MAPK4: variants seen among roughly 807,000 people sequenced by gnomAD.
The protein encoded by MAPK4 is mitogen-activated protein kinase 4, also known as Erk3-related.
Under a neutral mutation model 47.7 loss-of-function variants are expected in MAPK4, and 22 were observed. The ratio of observed to expected loss-of-function variants is 0.46; its 90% CI spans 0.33 to 0.66. MAPK4 has a LOEUF of 0.66. MAPK4 is among the 30% of genes least tolerant of loss of function. The pLI is 0.02. For synonymous variants in MAPK4, 390 were observed against 365.7 expected (o/e 1.07, Z -0.76); for missense variants, 736 against 831.7 (o/e 0.88, Z 1.42).
intron 1 of MAPK4, among the ~76,000 whole-genome samples, chr18:50,645,267 G>A (rs929027419): frequency 3.9e-4 from 60 of 152,200 alleles, no homozygotes; most frequent in African/African-American, 1.4e-3. Flanking sequence ...ATAACAGCTG[G>A]GGTTAAAGAT....
chr18:50,727,341 T>C (rs1911255474), intron 5 of MAPK4, among the ~76,000 whole-genome samples: 1 of 152,170 alleles, frequency 6.6e-6, no homozygotes, highest in African/African-American at 2.4e-5. Flanking sequence ...GTTACATAAG[T>C]GACAGATGAG....
intron 1 of MAPK4, among the ~76,000 whole-genome samples, chr18:50,618,409 G>A (rs1160891224): frequency 6.6e-6 from 1 of 152,052 alleles, no homozygotes; most frequent in Non-Finnish European, 1.5e-5. Flanking sequence ...ATTAATGTTG[G>A]AGAAAAGAGG....
At chr18:50,665,488 G>C (rs1907549705) in intron 2 of MAPK4, among the ~76,000 whole-genome samples, 1 of 152,196 alleles carries the variant, frequency 6.6e-6, no homozygotes, top group South Asian at 2.1e-4. Context: ...ACAGTAGTCT[G>C]TTATCATCCA....
chr18:50,693,688 A>G (rs1909354356), intron 2 of MAPK4, among the ~76,000 whole-genome samples: 1 of 152,184 alleles, frequency 6.6e-6, no homozygotes, highest in Non-Finnish European at 1.5e-5. Context: ...TCAAGCGTGC[A>G]TGTGCTTTCC....
At chr18:50,629,100 G>A (rs2042806558) in intron 1 of MAPK4, among the ~76,000 whole-genome samples, 2 of 152,204 alleles carry the variant, frequency 1.3e-5, no homozygotes, top group Non-Finnish European at 2.9e-5. Context: ...TCTGCTTTGT[G>A]GGGGCTTTCT....
At chr18:50,661,787 A>G (rs1487608162) in intron 1 of MAPK4, among the ~76,000 whole-genome samples, 1 of 152,204 alleles carries the variant, frequency 6.6e-6, no homozygotes, top group Non-Finnish European at 1.5e-5. Context: ...CTGTAAGTCT[A>G]TGGTTGTTTT....
chr18:50,584,906 C>G (rs973464406), intron 1 of MAPK4, among the ~76,000 whole-genome samples: 4 of 152,188 alleles, frequency 2.6e-5, no homozygotes, highest in African/African-American at 9.7e-5. Context: ...AGCGTTAACT[C>G]CGGACTCTCC....
intron 1 of MAPK4, among the ~76,000 whole-genome samples, chr18:50,657,589 C>T (rs771787951): frequency 6.6e-6 from 1 of 152,114 alleles, no homozygotes; most frequent in Non-Finnish European, 1.5e-5. Flanking sequence ...AATGCCAACA[C>T]CAACCCTGTT....
At chr18:50,714,687 A>T (rs759390336) in intron 2 of MAPK4, among the ~76,000 whole-genome samples, 1 of 152,240 alleles carries the variant, frequency 6.6e-6, no homozygotes, top group African/African-American at 2.4e-5. Context: ...AGAAAACGCC[A>T]GAGTCTCATG....
chr18:50,704,809 C>T, intron 2 of MAPK4: 1 of 398,594 alleles, frequency 2.5e-6, no homozygotes, highest in Non-Finnish European at 4.4e-6. Flanking sequence ...TGACAGCAGC[C>T]ATCCTGGGAG....
At chr18:50,564,447 C>T (rs2149355236) in intron 1 of MAPK4, among the ~76,000 whole-genome samples, 1 of 152,276 alleles carries the variant, frequency 6.6e-6, no homozygotes, top group South Asian at 2.1e-4. Context: ...ATGTCTCCAG[C>T]CATTGCCAAG....
chr18:50,703,152 C>A (rs1433611704), intron 2 of MAPK4, among the ~76,000 whole-genome samples: 6 of 152,180 alleles, frequency 3.9e-5, no homozygotes, highest in Non-Finnish European at 7.3e-5. Flanking sequence ...AAATTGATCT[C>A]AAGACCTTTC....
In MAPK4 at chr18:50,674,008, A is replaced by T. The variant is rs543556701; in HGVS notation, c.546+9504A>T. On this transcript the variant is annotated intron_variant, in intron 2 of 5. Transcript: ENST00000400384. The stretch of plus-strand genomic sequence containing the variant: ...TAATGTGTCTTTTTTTCTCCAGCTG[A>T]TTAATGAATATTATTAAATGGAATG... Among the ~76,000 whole-genome samples the T allele has an allele frequency of 2.7e-3, 410 of 152,190 alleles. 3 individuals are homozygous for T. The highest frequency in any genetic ancestry group is 4.2e-3 in the Non-Finnish European group (288 of 68,014).
chr18:50,716,123 C>T (rs977880734), intron 3 of MAPK4, among the ~76,000 whole-genome samples: 2 of 152,126 alleles, frequency 1.3e-5, no homozygotes, highest in South Asian at 2.1e-4. Context: ...TACTCATTCT[C>T]GCACTCTCCC....
chr18:50,604,858 C>A (rs1033797417), intron 1 of MAPK4, among the ~76,000 whole-genome samples: 5 of 152,348 alleles, frequency 3.3e-5, no homozygotes, highest in Admixed American at 3.3e-4. Context: ...GTGATCCGGT[C>A]TGGACTCTGA....
intron 1 of MAPK4, among the ~76,000 whole-genome samples, chr18:50,571,033 C>T (rs1314639805): frequency 2.6e-5 from 4 of 152,136 alleles, no homozygotes; most frequent in African/African-American, 9.7e-5. Flanking sequence ...GCCCAGGGAA[C>T]CATAGCCTCC....
Position 50,716,727 on chromosome 18 carries a change from C to T in MAPK4, c.691+1504C>T, listed in dbSNP as rs528602623. On this transcript the variant is annotated intron_variant, in intron 3 of 5. Transcript: ENST00000400384. ...CTCAGTGCTTGCAGCCCCGCCCTGT[C>T]CTCCTAACCATGCTGTCTTGGCCTC... Among the ~76,000 whole-genome samples, 16 of 152,292 alleles carry T rather than the reference C, an allele frequency of 1.1e-4. No homozygotes were observed. The East Asian group carries it at 2.9e-3, about 28-fold the overall frequency.
chr18:50,562,483 A>G (rs937423579), intron 1 of MAPK4, among the ~76,000 whole-genome samples: 16 of 151,602 alleles, frequency 1.1e-4, no homozygotes, highest in African/African-American at 3.9e-4. Context: ...GGGAGAGGGA[A>G]GCATGAAGAC....
At chr18:50,721,451 A>T (rs1049721071) in intron 3 of MAPK4, among the ~76,000 whole-genome samples, 2 of 152,182 alleles carry the variant, frequency 1.3e-5, no homozygotes, top group African/African-American at 4.8e-5. Context: ...ATACATCCCA[A>T]ACCCAATTTG....
Sources: gnomAD v4.1 joint callset for allele counts (sites outside exome capture counted in the v4.1 genomes callset) on GRCh38, gnomAD v4.1.1 for gene constraint, MANE v1.5 for transcripts, NCBI Gene and HGNC (gene_info 2026-07-23, HGNC 2026-07-21) for gene names.